The following GATAD2A variants were observed in gnomAD, a reference collection of about 807,000 sequenced individuals.
The protein encoded by GATAD2A is GATA zinc finger domain containing 2A.
A neutral mutation model predicts 68.5 loss-of-function variants in GATAD2A; 12 were observed. That is an observed-to-expected ratio of 0.18 (90% CI 0.11 to 0.28). GATAD2A has a LOEUF of 0.28. Ranked by LOEUF, GATAD2A falls within the 10% of genes least tolerant of loss-of-function variation. The pLI, the probability that GATAD2A is intolerant of heterozygous loss-of-function variation, is 1.00. For synonymous variants in GATAD2A, 410 were observed against 375.3 expected (o/e 1.09, Z -1.07); for missense variants, 755 against 868.5 (o/e 0.87, Z 1.64).
rs58179637 is a variant in GATAD2A at position 19,491,491 on chromosome 19, C to T, written c.270-815C>T. Among the ~76,000 whole-genome samples, 1,097 of 152,292 alleles carry T rather than the reference C, an allele frequency of 7.2e-3. 12 individuals are homozygous for T. Among genetic ancestry groups the T allele is most frequent in the African/African-American group, 0.024 (1,009 of 41,550 alleles). On this transcript the variant is annotated intron_variant, in intron 2 of 11. Coordinates refer to ENST00000683918, the MANE Select transcript of GATAD2A (RefSeq NM_001384528.1). Reference sequence around the variant, plus strand: ...CTCATGTTGCAGTTTTGAGCTGGGACTTACGGAGTGGGCAGCAGGGTAACA... The same window carrying T: ...CTCATGTTGCAGTTTTGAGCTGGGATTTACGGAGTGGGCAGCAGGGTAACA...
chr19:19,490,595 C>T (rs1375907424), intron 2 of GATAD2A, among the ~76,000 whole-genome samples: 3 of 152,078 alleles, frequency 2.0e-5, no homozygotes, highest in Admixed American at 6.6e-5. Flanking sequence ...GCTGGTTTTC[C>T]TGCTGACAAA....
chr19:19,394,932 GGA>G (rs1841058544), intron 1 of GATAD2A, among the ~76,000 whole-genome samples: 1 of 152,234 alleles, frequency 6.6e-6, no homozygotes, highest in Non-Finnish European at 1.5e-5. Flanking sequence ...GGTGTTAGAA[GGA>G]GAGTTTCTGG....
chr19:19,468,087 AG>A (rs1489925599), intron 2 of GATAD2A, among the ~76,000 whole-genome samples: 2 of 152,274 alleles, frequency 1.3e-5, no homozygotes, highest in Non-Finnish European at 2.9e-5. Flanking sequence ...AAAATTGAGC[AG>A]GGGCATACAA....
At chr19:19,450,765 CTT>C (rs1310929225) in intron 1 of GATAD2A, among the ~76,000 whole-genome samples, 9 of 139,686 alleles carry the variant, frequency 6.4e-5, no homozygotes, top group African/African-American at 1.6e-4. Flanking sequence ...AAAAAAAACT[CTT>C]TTTTTTTGTT....
At chr19:19,493,542 G>A (rs1368370983) in intron 4 of GATAD2A, among the ~76,000 whole-genome samples, 1 of 152,198 alleles carries the variant, frequency 6.6e-6, no homozygotes, top group African/African-American at 2.4e-5. Flanking sequence ...AATGGGCAGC[G>A]AGGTTAAGTT....
At chr19:19,473,236 C>A (rs1412015298) in intron 2 of GATAD2A, among the ~76,000 whole-genome samples, 1 of 152,178 alleles carries the variant, frequency 6.6e-6, no homozygotes, top group Admixed American at 6.5e-5. Context: ...AGCACTTGGA[C>A]CAAAGGCCTG....
At chr19:19,469,837 C>T (rs965199505) in intron 2 of GATAD2A, among the ~76,000 whole-genome samples, 1 of 151,990 alleles carries the variant, frequency 6.6e-6, no homozygotes, top group Non-Finnish European at 1.5e-5. Context: ...GTCCCAGCTA[C>T]TTGGGAGGCT....
chr19:19,490,350 C>T (rs1192697339), intron 2 of GATAD2A, among the ~76,000 whole-genome samples: 1 of 152,138 alleles, frequency 6.6e-6, no homozygotes, highest in Non-Finnish European at 1.5e-5. Context: ...TGTGTCTACC[C>T]TTCCCTGAGG....
rs549236204 is a variant in GATAD2A, at chr19:19,478,398, C to G, written c.269+12784C>G. ...GGCAGATCACATGAGGCCAGGAGTT[C>G]GAGACCAGCCTGAGCAACATGGCAA... On this transcript the variant is annotated intron_variant, in intron 2 of 11. Coordinates refer to ENST00000683918, the MANE Select transcript of GATAD2A (RefSeq NM_001384528.1). Among the ~76,000 whole-genome samples the G allele has an allele frequency of 4.8e-4, 73 of 152,162 alleles. No individual in the cohort carries two copies. In the South Asian group the frequency reaches 0.013, roughly 27 times the overall value.
chr19:19,494,948 C>T (rs1247272091), intron 5 of GATAD2A, among the ~76,000 whole-genome samples: 1 of 152,238 alleles, frequency 6.6e-6, no homozygotes, highest in East Asian at 1.9e-4. Context: ...TTCCTTGTTC[C>T]AGTATCTAGA....
intron 9 of GATAD2A, 51 bp from the exon 10 acceptor site, chr19:19,501,918 G>A (rs773616166): frequency 6.9e-7 from 1 of 1,451,476 alleles, no homozygotes; most frequent in Non-Finnish European, 9.7e-7. Flanking sequence ...CGGTCACCCT[G>A]GGCCGGCCAG....
intron 1 of GATAD2A, among the ~76,000 whole-genome samples, chr19:19,396,478 G>A (rs2049248344): frequency 6.6e-6 from 1 of 152,176 alleles, no homozygotes; most frequent in African/African-American, 2.4e-5. Flanking sequence ...TAGTTTGGTT[G>A]ATTTTTCCCA....
chr19:19,474,192 T>C (rs1208711078), intron 2 of GATAD2A: 2 of 983,038 alleles, frequency 2.0e-6, no homozygotes, highest in Admixed American at 1.2e-4. Context: ...TTTGGACAGA[T>C]GCTTTTTACA....
chr19:19,496,158 A>G lies in GATAD2A; in HGVS notation c.863A>G (p.Gln288Arg), dbSNP rs2060134921. 1.2e-6 allele frequency: 2 copies of G among 1,613,830 alleles called. No individual in the cohort carries two copies. The highest frequency in any genetic ancestry group is 8.5e-7 in the Non-Finnish European group (1 of 1,179,990). Residue 288 changes from glutamine to arginine, a missense_variant, in exon 7 of 12, where the codon CAG becomes CGG. Transcript: ENST00000683918. ...SVQIQGQRII[Q>R]QGLIRVANVP... ...CAGATTCAGGGACAGAGGATCATCC[A>G]GCAGGGCCTCATCCGCGTCGCCAAT...
In GATAD2A at chr19:19,498,599, C is replaced by T. The variant is rs772282721; in HGVS notation, c.1081C>T (p.Leu361Phe). 3 of 1,613,866 alleles carry T rather than the reference C, an allele frequency of 1.9e-6. No homozygotes were observed. The highest frequency in any genetic ancestry group is 2.5e-6 in the Non-Finnish European group (3 of 1,179,982). The change falls in exon 8 of 12, where the codon CTC becomes TTC. Residue 361 changes from leucine to phenylalanine, a missense_variant. Physicochemically the swap from Leu to Phe is conservative, Grantham distance 22 (BLOSUM62 0). Transcript: ENST00000683918. ...ALRKQLEKTL[L>F]EIPPPKPPAP... ...GCGCAAACAGCTGGAGAAGACGCTA[C>T]TCGAGATCCCCCCACCCAAGCCCCC...
intron 5 of GATAD2A, 53 bp downstream of exon 5, chr19:19,494,436 A>G: frequency 2.6e-6 from 3 of 1,140,570 alleles, no homozygotes; most frequent in Non-Finnish European, 4.0e-6. Flanking sequence ...TGCTGCTGTC[A>G]AGCACAGGCT....
At chr19:19,431,805 C>T (rs542368836) in intron 1 of GATAD2A, among the ~76,000 whole-genome samples, 4 of 151,592 alleles carry the variant, frequency 2.6e-5, no homozygotes, top group African/African-American at 4.8e-5. Flanking sequence ...GTGGTGTGTA[C>T]GTTATTGCTG....
intron 8 of GATAD2A, 82 bp from the exon 9 acceptor site, chr19:19,501,035 TC>T: frequency 8.0e-7 from 1 of 1,255,160 alleles, no homozygotes; most frequent in South Asian, 1.4e-5. Flanking sequence ...CGACTGAGAC[TC>T]CAGCATCCTG....
chr19:19,438,066 T>C (rs1287518249), intron 1 of GATAD2A, among the ~76,000 whole-genome samples: 2 of 152,210 alleles, frequency 1.3e-5, no homozygotes, highest in Admixed American at 6.5e-5. Flanking sequence ...CTCAAACTCT[T>C]TGGAGACAAG....
Sources: gnomAD v4.1 joint callset for allele counts (sites outside exome capture counted in the v4.1 genomes callset) on GRCh38, gnomAD v4.1.1 for gene constraint, MANE v1.5 for transcripts, NCBI Gene and HGNC (gene_info 2026-07-23, HGNC 2026-07-21) for gene names.